The following ARID1B variants were observed in gnomAD, a reference collection of about 807,000 sequenced individuals.
ARID1B encodes AT-rich interactive domain-containing protein 1B.
ARID1B carries 30 observed loss-of-function variants against 212.3 expected under a neutral mutation model. The ratio of observed to expected loss-of-function variants is 0.14; its 90% CI spans 0.11 to 0.19. The LOEUF (loss-of-function observed/expected upper bound fraction) is 0.19. ARID1B is among the 10% of genes least tolerant of loss of function. The pLI is 1.00. For synonymous variants in ARID1B, 1,402 were observed against 1,301.7 expected (o/e 1.08, Z -1.66); for missense variants, 2,891 against 3,204.0 (o/e 0.90, Z 2.36).
At chr6:156,913,093 G>T (rs1790031535) in intron 3 of ARID1B, among the ~76,000 whole-genome samples, 1 of 145,620 alleles carries the variant, frequency 6.9e-6, no homozygotes, top group African/African-American at 2.5e-5. Context: ...ACAATGTGAT[G>T]TTTTGAAGTA....
At chr6:156,942,000 T>C (rs1158988745) in intron 4 of ARID1B, 1 of 152,246 alleles carries the variant, frequency 6.6e-6, no homozygotes, top group Non-Finnish European at 1.5e-5. Context: ...ATTTGTTTAA[T>C]TTTTTAAAAT....
At chr6:156,855,499 T>G (rs1344957780) in intron 2 of ARID1B, among the ~76,000 whole-genome samples, 1 of 152,232 alleles carries the variant, frequency 6.6e-6, no homozygotes, top group Admixed American at 6.5e-5. Flanking sequence ...ACGCTTACCT[T>G]TATTTTCAGT....
At chr6:157,150,115 C>G (rs1790089880) in intron 8 of ARID1B, 1 of 152,158 alleles carries the variant, frequency 6.6e-6, no homozygotes, top group Non-Finnish European at 1.5e-5. Context: ...AATTGAAGTT[C>G]TAATTCAAGT....
At chr6:157,029,311 T>C (rs1780879394) in intron 4 of ARID1B, among the ~76,000 whole-genome samples, 1 of 152,250 alleles carries the variant, frequency 6.6e-6, no homozygotes, top group African/African-American at 2.4e-5. Context: ...AACCTTGTTA[T>C]ATCCCCACCT....
chr6:156,901,393 A>G lies in ARID1B; in HGVS notation c.2004A>G (p.Gly668=). Residue 668 remains glycine, a synonymous_variant, in exon 3 of 20, where the codon GGA becomes GGG. Coordinates refer to ENST00000636930, the MANE Select transcript of ARID1B (RefSeq NM_001374828.1). ...TTTGACAGATGCCACCTCAGTATGG[A>G]CAGCAAGGTGTGAGTGGTTACTGCC... ...YPQQQMPPQY[G]QQGVSGYCQQ... is the part of the protein sequence containing the mutation. 3.1e-6 allele frequency: 5 copies of G among 1,614,136 alleles called. No homozygotes were observed. Among genetic ancestry groups the G allele is most frequent in the Non-Finnish European group, 4.2e-6 (5 of 1,180,032 alleles).
chr6:157,166,342 T>C (rs1222721195), intron 8 of ARID1B: 3 of 152,218 alleles, frequency 2.0e-5, no homozygotes, highest in African/African-American at 7.2e-5. Context: ...CAAGACCGCC[T>C]TGTAGGTCTG....
chr6:157,020,822 CT>C (rs1227348672), intron 4 of ARID1B, among the ~76,000 whole-genome samples: 8 of 152,266 alleles, frequency 5.3e-5, no homozygotes, highest in Admixed American at 4.6e-4. Flanking sequence ...TGAGTTTATG[CT>C]GTACGTGGTT....
intron 3 of ARID1B, among the ~76,000 whole-genome samples, chr6:156,931,020 C>A (rs915276024): frequency 3.9e-5 from 6 of 151,962 alleles, no homozygotes; most frequent in Non-Finnish European, 7.4e-5. Context: ...GAAACCCCAT[C>A]TCTACTAAAA....
intron 1 of ARID1B, among the ~76,000 whole-genome samples, chr6:156,813,435 C>T (rs576395423): frequency 1.1e-4 from 16 of 152,170 alleles, no homozygotes; most frequent in African/African-American, 3.1e-4. Context: ...GTATTTTAAC[C>T]GGACCCTCCT....
rs1177807875 is a variant in ARID1B at position 157,004,897 on chromosome 6, C to CTTTTTT, written c.2247+69350_2247+69355dup. ...TTTTTTCTTTTTCTTCTTCTTTTTT[C>CTTTTTT]TTTTTTTTTTTTTTTTTTTTTTTTT... On this transcript the variant is annotated intron_variant, in intron 4 of 19. Coordinates refer to ENST00000636930, the MANE Select transcript of ARID1B (RefSeq NM_001374828.1). 2.0e-4 allele frequency among the ~76,000 whole-genome samples: 11 copies of CTTTTTT among 54,710 alleles called. 1 individual carries two copies. The highest frequency in any genetic ancestry group is 4.6e-4 in the Admixed American group (2 of 4,366). The allele number at this position is 54,710 out of a possible 152,430, so 35.9% of individuals were successfully genotyped here.
intron 2 of ARID1B, among the ~76,000 whole-genome samples, chr6:156,842,232 C>A (rs6557509): frequency 0.096 from 14,609 of 152,226 alleles, 951 homozygotes; most frequent in East Asian, 0.3. Context: ...ATTTTCACCA[C>A]CCCCAGATGA....
At chr6:156,921,438 A>AACACACACAC (rs10560265) in intron 3 of ARID1B, among the ~76,000 whole-genome samples, 7 of 136,000 alleles carry the variant, frequency 5.1e-5, no homozygotes, top group East Asian at 2.2e-4. Flanking sequence ...TTGATGGGAA[A>AACACACACAC]ACACACACAC....
chr6:157,146,665 T>C (rs1267983059), intron 7 of ARID1B, among the ~76,000 whole-genome samples: 6 of 151,904 alleles, frequency 3.9e-5, no homozygotes, highest in Non-Finnish European at 7.4e-5. Context: ...CACACACACA[T>C]ACCCATGTAG....
intron 2 of ARID1B, among the ~76,000 whole-genome samples, chr6:156,866,195 C>A (rs534671747): frequency 5.6e-4 from 85 of 152,266 alleles, no homozygotes; most frequent in African/African-American, 1.9e-3. Flanking sequence ...CTGGGGGATT[C>A]TGTGGATACT....
chr6:156,840,458 A>G (rs1296627810), intron 2 of ARID1B, among the ~76,000 whole-genome samples: 1 of 152,242 alleles, frequency 6.6e-6, no homozygotes, highest in African/African-American at 2.4e-5. Flanking sequence ...CTAGAGCCGT[A>G]CATGGCATTT....
chr6:156,827,835 A>G (rs1281677459), intron 1 of ARID1B, among the ~76,000 whole-genome samples: 2 of 127,418 alleles, frequency 1.6e-5, no homozygotes, highest in Non-Finnish European at 3.1e-5. Context: ...ATCTTGGCTC[A>G]CTGCAGCCTC....
intron 11 of ARID1B, among the ~76,000 whole-genome samples, chr6:157,176,948 T>A (rs1445165692): frequency 6.6e-6 from 1 of 152,246 alleles, no homozygotes; most frequent in East Asian, 1.9e-4. Context: ...CATTGACTTA[T>A]AAAGAAGGCT....
At chr6:156,960,804 T>C (rs1193324948) in intron 4 of ARID1B, among the ~76,000 whole-genome samples, 1 of 104,974 alleles carries the variant, frequency 9.5e-6, no homozygotes, top group East Asian at 3.2e-4. Flanking sequence ...CAAAGCACTT[T>C]ACTGTATTTT....
intron 1 of ARID1B, among the ~76,000 whole-genome samples, chr6:156,828,850 C>G (rs886908867): frequency 6.6e-6 from 1 of 152,206 alleles, no homozygotes; most frequent in Non-Finnish European, 1.5e-5. Flanking sequence ...GTTAATCACT[C>G]AATACCCTCT....
Sources: allele counts gnomAD v4.1 joint callset (sites outside exome capture counted in the v4.1 genomes callset), GRCh38; gene constraint gnomAD v4.1.1; transcripts MANE v1.5; gene names NCBI Gene and HGNC (gene_info 2026-07-23, HGNC 2026-07-21).